Variants in AGBL4 observed in about 807,000 individuals in gnomAD.
AGBL4 encodes the protein cytosolic carboxypeptidase 6.
A neutral mutation model predicts 66.4 loss-of-function variants in AGBL4; 58 were observed. That is an observed-to-expected ratio of 0.87 (90% CI 0.71 to 1.09). The LOEUF (loss-of-function observed/expected upper bound fraction) is 1.09. AGBL4 is among the 50% of genes least tolerant of loss of function. AGBL4 has a pLI of 0.00. For missense variants in AGBL4, 579 were observed against 631.0 expected (o/e 0.92, Z 0.88); for synonymous variants, 234 against 222.9 (o/e 1.05, Z -0.44).
At chr1:49,882,547 A>T (rs1331279860) in intron 1 of AGBL4, among the ~76,000 whole-genome samples, 2 of 152,020 alleles carry the variant, frequency 1.3e-5, no homozygotes, top group African/African-American at 4.8e-5. Context: ...ATTTCTTTGT[A>T]TCCTCTTTAA....
At chr1:49,082,664 C>T (rs1179469300) in intron 4 of AGBL4, among the ~76,000 whole-genome samples, 1 of 152,160 alleles carries the variant, frequency 6.6e-6, no homozygotes, top group Non-Finnish European at 1.5e-5. Flanking sequence ...GGGGACAGAG[C>T]CAAATCATAT....
intron 5 of AGBL4, among the ~76,000 whole-genome samples, chr1:48,890,578 TG>T (rs994400435): frequency 6.6e-6 from 1 of 152,132 alleles, no homozygotes; most frequent in Non-Finnish European, 1.5e-5. Context: ...GTGATATTCT[TG>T]TGTTTTTGTG....
intron 5 of AGBL4, among the ~76,000 whole-genome samples, chr1:49,011,916 G>A (rs1296674798): frequency 1.3e-5 from 2 of 150,760 alleles, no homozygotes; most frequent in Non-Finnish European, 3.0e-5. Flanking sequence ...AGCATTGGGA[G>A]ATATACCTAA....
chr1:49,522,079 A>G (rs986278568), intron 3 of AGBL4, among the ~76,000 whole-genome samples: 2 of 152,164 alleles, frequency 1.3e-5, no homozygotes, highest in Non-Finnish European at 2.9e-5. Context: ...TTGAAATTAT[A>G]AAAACAGAAA....
intron 3 of AGBL4, among the ~76,000 whole-genome samples, chr1:49,531,694 T>C (rs1237438411): frequency 6.6e-6 from 1 of 152,078 alleles, no homozygotes; most frequent in Non-Finnish European, 1.5e-5. Flanking sequence ...ACTGGGGTTC[T>C]GACAAGTTCT....
intron 11 of AGBL4, among the ~76,000 whole-genome samples, chr1:48,576,804 A>C (rs1485402123): frequency 6.6e-6 from 1 of 152,166 alleles, no homozygotes; most frequent in East Asian, 1.9e-4. Flanking sequence ...AATGCAGCCA[A>C]AATCAGCTTC....
chr1:49,053,075 G>T (rs1200067975), intron 4 of AGBL4, among the ~76,000 whole-genome samples: 2 of 152,082 alleles, frequency 1.3e-5, no homozygotes, highest in Non-Finnish European at 2.9e-5. Context: ...TTAGTAAATG[G>T]TAAATGTGAT....
At chr1:50,022,835 G>C (rs1662552173) in intron 1 of AGBL4, among the ~76,000 whole-genome samples, 1 of 152,232 alleles carries the variant, frequency 6.6e-6, no homozygotes, top group South Asian at 2.1e-4. Context: ...TCAGTGGTCA[G>C]CCTCATTTAG....
chr1:49,998,456 C>A (rs1660516669), intron 1 of AGBL4, among the ~76,000 whole-genome samples: 1 of 151,872 alleles, frequency 6.6e-6, no homozygotes, highest in African/African-American at 2.4e-5. Flanking sequence ...AAATTGCCAA[C>A]AAAAATAAAG....
chr1:49,639,307 T>C (rs1217726551), intron 3 of AGBL4, among the ~76,000 whole-genome samples: 1 of 152,130 alleles, frequency 6.6e-6, no homozygotes, highest in East Asian at 1.9e-4. Context: ...GACAGTAATT[T>C]AGAAAATAAT....
intron 2 of AGBL4, among the ~76,000 whole-genome samples, chr1:49,767,987 A>T (rs992505423): frequency 2.3e-4 from 31 of 133,730 alleles, no homozygotes; most frequent in African/African-American, 2.8e-4. Flanking sequence ...GTATAATTTA[A>T]AAAAAAAAAA....
intron 1 of AGBL4, among the ~76,000 whole-genome samples, chr1:49,887,208 T>C (rs921935105): frequency 1.4e-4 from 21 of 150,076 alleles, no homozygotes; most frequent in East Asian, 5.9e-4. Flanking sequence ...TATATATATA[T>C]ACATTGTGTG....
chr1:49,404,895 C>T (rs1171098360), intron 3 of AGBL4, among the ~76,000 whole-genome samples: 1 of 152,138 alleles, frequency 6.6e-6, no homozygotes, highest in Non-Finnish European at 1.5e-5. Context: ...TCATGTAGAA[C>T]CAGAGAGTTA....
At chr1:48,751,313 T>A (rs1398965209) in intron 6 of AGBL4, among the ~76,000 whole-genome samples, 1 of 152,170 alleles carries the variant, frequency 6.6e-6, no homozygotes, top group African/African-American at 2.4e-5. Flanking sequence ...TGCACTGCAG[T>A]ACTGGATGGT....
chr1:48,797,368 C>T (rs1645709236), intron 6 of AGBL4, among the ~76,000 whole-genome samples: 1 of 152,094 alleles, frequency 6.6e-6, no homozygotes, highest in African/African-American at 2.4e-5. Flanking sequence ...TATCCCTCAC[C>T]CCCATCCTAC....
the AGBL4 span, among the ~76,000 whole-genome samples, chr1:48,523,459 G>A: frequency 6.6e-6 from 1 of 152,212 alleles, no homozygotes; most frequent in Admixed American, 6.5e-5. Context: ...TTCTGTGGGT[G>A]AGGAAGTTGA....
intron 8 of AGBL4, among the ~76,000 whole-genome samples, chr1:48,637,295 C>G (rs1645683012): frequency 6.6e-6 from 1 of 152,170 alleles, no homozygotes; most frequent in South Asian, 2.1e-4. Flanking sequence ...CTCTTCTTTT[C>G]CTTCAGTCTG....
chr1:49,789,432 A>G (rs1644539129), intron 2 of AGBL4, among the ~76,000 whole-genome samples: 1 of 152,038 alleles, frequency 6.6e-6, no homozygotes, highest in East Asian at 1.9e-4. Flanking sequence ...TGTTTAGAAA[A>G]CCCCATCATC....
intron 2 of AGBL4, 134 bp downstream of exon 2, chr1:49,851,262 C>T: frequency 9.7e-7 from 1 of 1,027,008 alleles, no homozygotes; most frequent in Non-Finnish European, 1.3e-6. Context: ...AAAATTTTTT[C>T]CCATAAAACT....
Sources: allele counts gnomAD v4.1 joint callset (sites outside exome capture counted in the v4.1 genomes callset), GRCh38; gene constraint gnomAD v4.1.1; transcripts MANE v1.5; gene names NCBI Gene and HGNC (gene_info 2026-07-23, HGNC 2026-07-21).